Variants in KIFC3 observed in about 807,000 individuals in gnomAD.
The protein encoded by KIFC3 is kinesin family member C3, also known as kinesin-like protein KIFC3.
In KIFC3, 60 loss-of-function variants were observed where a neutral mutation model predicts 101.8. The ratio of observed to expected loss-of-function variants is 0.59; its 90% CI spans 0.48 to 0.73. The LOEUF (loss-of-function observed/expected upper bound fraction) is 0.73, where lower values mean the gene tolerates loss of function less well. Among genes scored for constraint, KIFC3 ranks in the 30% least tolerant of loss-of-function variants. The probability of loss-of-function intolerance (pLI) is 0.00; values close to 1 mark genes in which losing one functional copy is unlikely to be tolerated. For missense variants in KIFC3, 966 were observed against 1,137.1 expected (o/e 0.85, Z 2.16); for synonymous variants, 476 against 482.7 (o/e 0.99, Z 0.18).
At chr16:57,833,043 T>G (rs2149298458) in intron 1 of KIFC3, among the ~76,000 whole-genome samples, 1 of 152,036 alleles carries the variant, frequency 6.6e-6, no homozygotes, top group South Asian at 2.1e-4. Flanking sequence ...CCATCTCTAC[T>G]AAAAATACAC....
rs1329675563 is a variant in KIFC3, at chr16:57,758,393, C to T, written c.*541G>A. The T allele has an allele frequency of 2.8e-5, 10 of 351,244 alleles. No homozygotes were observed. Among genetic ancestry groups the T allele is most frequent in the Middle Eastern group, 1.0e-3 (1 of 990 alleles). 21.8% of individuals were successfully genotyped at this position (351,244 alleles called of 1,614,324 possible). A position where few individuals can be genotyped will look rare whatever the true frequency, so the allele number is the denominator to read the frequency against. ...GCCAGCCATAAACACAGCACGGCCC[C>T]GTGGCGGGAGGCCATGCGCCTCCGC... On this transcript the variant is annotated 3_prime_UTR_variant, in exon 20 of 20. Coordinates refer to ENST00000445690, the MANE Select transcript of KIFC3 (RefSeq NM_001130100.2).
intron 2 of KIFC3, chr16:57,797,703 A>G: frequency 8.7e-7 from 1 of 1,144,250 alleles, no homozygotes; most frequent in Non-Finnish European, 1.1e-6. Flanking sequence ...CACTTCACCT[A>G]CCTTGTTTAC....
At chr16:57,823,541 G>A (rs1418905489) in intron 1 of KIFC3, among the ~76,000 whole-genome samples, 2 of 152,132 alleles carry the variant, frequency 1.3e-5, no homozygotes. Flanking sequence ...CTTGTTTTTA[G>A]GAAACATACA....
chr16:57,761,892 T>C (rs2049901655), intron 13 of KIFC3, among the ~76,000 whole-genome samples: 1 of 151,636 alleles, frequency 6.6e-6, no homozygotes. Flanking sequence ...GCCAGGTCCC[T>C]TGACGGCCTC....
chr16:57,804,664 A>G (rs991925387), upstream of KIFC3, among the ~76,000 whole-genome samples: 4 of 152,094 alleles, frequency 2.6e-5, no homozygotes, highest in Non-Finnish European at 2.9e-5. Flanking sequence ...ATCATAGCTC[A>G]CTATAGCCCC....
At chr16:57,842,307 G>A (rs1286633579) in intron 1 of KIFC3, among the ~76,000 whole-genome samples, 4 of 152,226 alleles carry the variant, frequency 2.6e-5, no homozygotes, top group African/African-American at 9.6e-5. Flanking sequence ...GGTCAGAAAT[G>A]TGCTTGCTGG....
chr16:57,777,650 G>A lies in KIFC3; in HGVS notation c.316-5362C>T, dbSNP rs548199405. 3.9e-5 allele frequency among the ~76,000 whole-genome samples: 6 copies of A among 152,136 alleles called. No homozygotes were observed. The East Asian group carries it at 7.7e-4, about 20-fold the overall frequency. On this transcript the variant is annotated intron_variant, in intron 3 of 19. Transcript: ENST00000445690. ...GCAGGAGAATCGCTTGAACCCGAGA[G>A]GCAGAGGTCGCAGTGAGCTGAGATT...
intron 1 of KIFC3, among the ~76,000 whole-genome samples, chr16:57,821,331 C>T (rs1598206357): frequency 1.3e-5 from 2 of 151,986 alleles, no homozygotes; most frequent in Admixed American, 1.3e-4. Context: ...ATGACCAGAC[C>T]TTGCGAAAGG....
intron 1 of KIFC3, among the ~76,000 whole-genome samples, chr16:57,853,354 G>A (rs1264836935): frequency 2.6e-5 from 4 of 152,038 alleles, no homozygotes; most frequent in Admixed American, 1.3e-4. Context: ...AAGAGGCAGA[G>A]GTTGCAGTGA....
At chr16:57,813,813 G>C in intron 1 of KIFC3, 1 of 985,434 alleles carries the variant, frequency 1.0e-6, no homozygotes, top group African/African-American at 1.7e-5. Flanking sequence ...GGCATCTCCA[G>C]AGTCACAGCC....
At position 57,760,948 on chromosome 16, in the gene KIFC3, C is replaced by T. The variant is rs1555596320; in HGVS notation, c.2010G>A (p.Leu670=). 6.2e-7 allele frequency: 1 copy of T among 1,606,946 alleles called. No individual in the cohort carries two copies. Among genetic ancestry groups the T allele is most frequent in the Non-Finnish European group, 8.5e-7 (1 of 1,178,698 alleles). The change falls in exon 16 of 20, where the codon CTG becomes CTA. Residue 670 remains leucine, a synonymous_variant. Coordinates refer to ENST00000445690, the MANE Select transcript of KIFC3 (RefSeq NM_001130100.2). ...CCGAGCCAGCCAAGTCCACCAGGTT[C>T]AGCTTCCCTGCAGGGAAGGCACCCA... The part of the protein sequence containing the change: ...CSTGLRTTGK[L]NLVDLAGSER...
chr16:57,773,394 C>G (rs1176922153), intron 3 of KIFC3, among the ~76,000 whole-genome samples: 3 of 152,318 alleles, frequency 2.0e-5, no homozygotes, highest in Non-Finnish European at 4.4e-5. Context: ...CCTCGGACGA[C>G]AGGAGGTGAG....
intron 3 of KIFC3, among the ~76,000 whole-genome samples, chr16:57,791,357 C>A (rs980772657): frequency 1.3e-5 from 2 of 152,224 alleles, no homozygotes; most frequent in Non-Finnish European, 2.9e-5. Flanking sequence ...CATTTGCCAG[C>A]CAAGGCAAAG....
chr16:57,793,735 A>G (rs1372810392), intron 3 of KIFC3, among the ~76,000 whole-genome samples: 1 of 151,600 alleles, frequency 6.6e-6, no homozygotes, highest in African/African-American at 2.4e-5. Context: ...AGGCTGAGGT[A>G]GGAGAATCAC....
chr16:57,789,959 A>G (rs1455417660), intron 3 of KIFC3, among the ~76,000 whole-genome samples: 1 of 150,220 alleles, frequency 6.7e-6, no homozygotes, highest in East Asian at 1.9e-4. Flanking sequence ...CTGGTCTCGA[A>G]CTCCTGACTT....
intron 1 of KIFC3, among the ~76,000 whole-genome samples, chr16:57,853,515 A>G (rs1328753577): frequency 6.6e-6 from 1 of 152,224 alleles, no homozygotes; most frequent in East Asian, 1.9e-4. Context: ...GGGAACAAAC[A>G]GAAAACAATT....
At chr16:57,762,668 G>A (rs1297370075) in intron 12 of KIFC3, among the ~76,000 whole-genome samples, 1 of 152,070 alleles carries the variant, frequency 6.6e-6, no homozygotes, top group Non-Finnish European at 1.5e-5. Flanking sequence ...CCTGGGCTCT[G>A]TGGGTGGTAG....
chr16:57,818,808 C>G (rs138418621), intron 1 of KIFC3, among the ~76,000 whole-genome samples: 1 of 152,332 alleles, frequency 6.6e-6, no homozygotes, highest in Non-Finnish European at 1.5e-5. Flanking sequence ...TTACTGATAA[C>G]ACCCACTTCA....
rs139862700 is a variant in KIFC3, at chr16:57,767,634, C to T, written c.1219-649G>A. On this transcript the variant is annotated intron_variant, in intron 9 of 19. Transcript: ENST00000445690. ...TGCCTATAACCTACACACATCCTCC[C>T]ATATACTTTATTTTTTTTGAGACAG... Among the ~76,000 whole-genome samples the T allele has an allele frequency of 1.3e-3, 199 of 152,218 alleles. 1 individual carries two copies. Among genetic ancestry groups the T allele is most frequent in the African/African-American group, 4.7e-3 (196 of 41,526 alleles).
Sources: gnomAD v4.1 joint callset for allele counts (sites outside exome capture counted in the v4.1 genomes callset) on GRCh38, gnomAD v4.1.1 for gene constraint, MANE v1.5 for transcripts, NCBI Gene and HGNC (gene_info 2026-07-23, HGNC 2026-07-21) for gene names.